SAMD3: variants seen among roughly 807,000 people sequenced by gnomAD.
SAMD3 encodes the protein sterile alpha motif domain-containing protein 3.
Under a neutral mutation model 58.5 loss-of-function variants are expected in SAMD3, and 63 were observed. The observed-to-expected ratio is 1.08, with a 90% CI of 0.88 to 1.33. The LOEUF (loss-of-function observed/expected upper bound fraction) is 1.33, where lower values mean the gene tolerates loss of function less well. SAMD3 is among the 40% of genes most tolerant of loss of function. The pLI is 0.00. For synonymous variants in SAMD3, 220 were observed against 210.3 expected, an observed-to-expected ratio of 1.05 and a Z score of -0.40; for missense variants, 604 against 608.4, an observed-to-expected ratio of 0.99 and a Z score of 0.08.
intron 2 of SAMD3, among the ~76,000 whole-genome samples, chr6:130,257,240 A>G (rs1262783419): frequency 6.6e-5 from 10 of 152,078 alleles, no homozygotes. Context: ...CAGAAACTGA[A>G]TTGGCCAGCA....
intron 2 of SAMD3, among the ~76,000 whole-genome samples, chr6:130,232,177 G>A (rs1281976257): frequency 1.3e-5 from 2 of 152,072 alleles, no homozygotes; most frequent in South Asian, 4.1e-4. Flanking sequence ...TTTGTCCACT[G>A]TCTGGGGAAT....
In SAMD3 at chr6:130,365,277, C is replaced by T. The variant is rs146883153; in HGVS notation, c.-461G>A. ...GGCTTTGATGTTTGGAGTCGAACAT[C>T]CGCACTGCTCATCGAAGACCCCCGT... On this transcript the variant is annotated 5_prime_UTR_variant, in exon 1 of 14. Transcript: ENST00000368134. 3,452 of 985,472 alleles carry T rather than the reference C, an allele frequency of 3.5e-3. 72 individuals carry two copies. In the African/African-American group the frequency reaches 0.047, roughly 13 times the overall value. 61.0% of individuals were successfully genotyped at this position (985,472 alleles called of 1,614,324 possible). A position where few individuals can be genotyped will look rare whatever the true frequency, so the allele number is the denominator to read the frequency against.
At chr6:130,279,330 G>C (rs1774899413) in intron 2 of SAMD3, among the ~76,000 whole-genome samples, 1 of 151,962 alleles carries the variant, frequency 6.6e-6, no homozygotes, top group South Asian at 2.1e-4. Flanking sequence ...ATGACAGTGA[G>C]TGAGTTCTCA....
chr6:130,167,452 T>G (rs771415082), intron 8 of SAMD3, among the ~76,000 whole-genome samples: 3 of 152,146 alleles, frequency 2.0e-5, no homozygotes, highest in Non-Finnish European at 4.4e-5. Context: ...CTAAGGATTA[T>G]GACAAAAAAA....
At chr6:130,278,897 A>G (rs548924769) in intron 2 of SAMD3, among the ~76,000 whole-genome samples, 56 of 152,272 alleles carry the variant, frequency 3.7e-4, no homozygotes, top group African/African-American at 1.3e-3. Flanking sequence ...CTGTAGTTAC[A>G]TAGACGGTGG....
Position 130,202,629 on chromosome 6 carries a change from T to A in SAMD3, c.383+6866A>T, listed in dbSNP as rs185803064. 2.8e-3 allele frequency among the ~76,000 whole-genome samples: 424 copies of A among 152,318 alleles called. 2 individuals are homozygous for A. Among genetic ancestry groups the A allele is most frequent in the African/African-American group, 9.7e-3 (404 of 41,558 alleles). ...TTAATAGATGTTACACAAAGAGAAA[T>A]CCTGGGTTAAACAAAGTTAAGTGGG... On this transcript the variant is annotated intron_variant, in intron 5 of 11. Transcript: ENST00000439090.
chr6:130,229,747 A>G (rs1796488921), intron 2 of SAMD3, among the ~76,000 whole-genome samples: 2 of 152,142 alleles, frequency 1.3e-5, no homozygotes, highest in African/African-American at 4.8e-5. Context: ...TTCCTATCCA[A>G]CTTCGTATTT....
In SAMD3 at chr6:130,145,427, C is replaced by A; in HGVS notation, c.1196-5G>T. 1 of 1,600,396 alleles carries A rather than the reference C, an allele frequency of 6.2e-7. No homozygotes were observed. The highest frequency in any genetic ancestry group is 8.6e-7 in the Non-Finnish European group (1 of 1,169,012). ...ATGTGGCTGTCATCTTCATGTCTGT[C>A]AAAGCAAATATGTTAACATGTGAAG... On this transcript the variant is annotated splice_polypyrimidine_tract_variant and splice_region_variant and intron_variant, in intron 10 of 11. Transcript: ENST00000439090.
At chr6:130,350,528 C>A (rs890825494) in intron 1 of SAMD3, among the ~76,000 whole-genome samples, 29 of 152,066 alleles carry the variant, frequency 1.9e-4, no homozygotes, top group Non-Finnish European at 3.2e-4. Context: ...ACATGAAGGA[C>A]CTCTTCAAGG....
intron 1 of SAMD3, among the ~76,000 whole-genome samples, chr6:130,345,553 G>C (rs1777420068): frequency 1.3e-5 from 2 of 151,964 alleles, no homozygotes; most frequent in South Asian, 4.2e-4. Flanking sequence ...GATTGGTTTG[G>C]GGGACATGGG....
chr6:130,153,109 A>G (rs1789373325), intron 9 of SAMD3, among the ~76,000 whole-genome samples: 2 of 152,196 alleles, frequency 1.3e-5, no homozygotes, highest in African/African-American at 4.8e-5. Context: ...TCTGCTAGGC[A>G]CTTTGGGAAC....
At chr6:130,265,547 T>G (rs1382509660) in intron 2 of SAMD3, among the ~76,000 whole-genome samples, 1 of 152,208 alleles carries the variant, frequency 6.6e-6, no homozygotes, top group Non-Finnish European at 1.5e-5. Flanking sequence ...AAAAAGTTGC[T>G]ACGGTCCTAT....
chr6:130,286,400 T>C (rs1042327201), intron 2 of SAMD3, among the ~76,000 whole-genome samples: 7 of 152,228 alleles, frequency 4.6e-5, no homozygotes, highest in African/African-American at 1.7e-4. Flanking sequence ...AGACATGGGA[T>C]GAAGAATGCT....
At chr6:130,240,750 A>G (rs773207899) in intron 2 of SAMD3, among the ~76,000 whole-genome samples, 5 of 152,176 alleles carry the variant, frequency 3.3e-5, no homozygotes, top group Non-Finnish European at 7.3e-5. Flanking sequence ...GAGGACACAG[A>G]GTCTGCCCCT....
chr6:130,176,858 G>A (rs1302622722), intron 7 of SAMD3, among the ~76,000 whole-genome samples: 2 of 152,144 alleles, frequency 1.3e-5, no homozygotes, highest in Admixed American at 6.5e-5. Context: ...AGAGTTGCGC[G>A]AGGCTGGAGC....
chr6:130,365,418 C>T (rs895596340), exon 1 of SAMD3: 108 of 985,352 alleles, frequency 1.1e-4, no homozygotes, highest in Non-Finnish European at 1.3e-4. Flanking sequence ...GCCTTGGCCG[C>T]GTCTTTTCCG....
intron 1 of SAMD3, among the ~76,000 whole-genome samples, chr6:130,345,542 A>C (rs977724643): frequency 1.3e-5 from 2 of 151,920 alleles, no homozygotes; most frequent in Non-Finnish European, 2.9e-5. Context: ...ATTATGGATG[A>C]GATTGGTTTG....
At position 130,324,481 on chromosome 6, in the gene SAMD3, G is replaced by A. The variant is rs148707941; in HGVS notation, c.-303-11388C>T. 8.4e-4 allele frequency among the ~76,000 whole-genome samples: 128 copies of A among 152,176 alleles called. 1 individual carries two copies. The Middle Eastern group carries it at 0.014, about 16-fold the overall frequency. On this transcript the variant is annotated intron_variant, in intron 1 of 13. Transcript: ENST00000368134. Reference sequence around the variant, plus strand: ...TAATATTAAGGCATAATTATTTTTGGAACTAGCTTTTTTTACCATCAAAAT... The same window carrying A: ...TAATATTAAGGCATAATTATTTTTGAAACTAGCTTTTTTTACCATCAAAAT...
chr6:130,338,782 C>G (rs10872362), intron 1 of SAMD3, among the ~76,000 whole-genome samples: 67,827 of 152,060 alleles, frequency 0.45, 17,458 homozygotes, highest in African/African-American at 0.71. Flanking sequence ...GAGCATTTAT[C>G]CAATTCCTAT....
Sources: gnomAD v4.1 joint callset for allele counts (sites outside exome capture counted in the v4.1 genomes callset) on GRCh38, gnomAD v4.1.1 for gene constraint, MANE v1.5 for transcripts, NCBI Gene and HGNC (gene_info 2026-07-23, HGNC 2026-07-21) for gene names.